Variants in VPS13D observed in about 807,000 individuals in gnomAD.
The protein encoded by VPS13D is vacuolar protein sorting 13 homolog D.
A neutral mutation model predicts 461.9 loss-of-function variants in VPS13D; 187 were observed. The ratio of observed to expected loss-of-function variants is 0.40; its 90% CI spans 0.36 to 0.46. The LOEUF (loss-of-function observed/expected upper bound fraction) is 0.46. Ranked by LOEUF, VPS13D falls within the 20% of genes least tolerant of loss-of-function variation. The pLI, the probability that VPS13D is intolerant of heterozygous loss-of-function variation, is 0.60. For synonymous variants in VPS13D, 1,951 were observed against 1,986.3 expected, an observed-to-expected ratio of 0.98 and a Z score of 0.47; for missense variants, 4,711 against 5,364.9, an observed-to-expected ratio of 0.88 and a Z score of 3.81.
intron 57 of VPS13D, among the ~76,000 whole-genome samples, chr1:12,379,928 C>T (rs1179284793): frequency 6.6e-6 from 1 of 152,036 alleles, no homozygotes; most frequent in Non-Finnish European, 1.5e-5. Flanking sequence ...GCCACCACGC[C>T]CGGCTAATTT....
Position 12,244,380 on chromosome 1 carries a change from C to T in VPS13D, c.310C>T (p.Leu104=). 6.2e-7 allele frequency: 1 copy of T among 1,614,116 alleles called. No individual in the cohort carries two copies. The highest frequency in any genetic ancestry group is 8.5e-7 in the Non-Finnish European group (1 of 1,180,024). Reference sequence around the variant, plus strand: ...GGATTTCAATGATGAAAAGGAGAAGCTGTTGGAAAGGGAACGTAAGAAAGC... The same window carrying T: ...GGATTTCAATGATGAAAAGGAGAAGTTGTTGGAAAGGGAACGTAAGAAAGC... ...IQDFNDEKEK[L]LERERKKALL... is the part of the protein sequence containing the mutation. The change falls in exon 4 of 70, where the codon CTG becomes TTG. Residue 104 remains leucine (L), a synonymous_variant. Coordinates refer to ENST00000620676, the MANE Select transcript of VPS13D (RefSeq NM_015378.4).
intron 6 of VPS13D, among the ~76,000 whole-genome samples, chr1:12,253,439 A>T (rs183631002): frequency 6.6e-6 from 1 of 152,246 alleles, no homozygotes; most frequent in Non-Finnish European, 1.5e-5. Flanking sequence ...ATATCTTTCG[A>T]CACTCATTTG....
intron 65 of VPS13D, among the ~76,000 whole-genome samples, chr1:12,438,338 A>T (rs940988681): frequency 6.6e-6 from 1 of 152,156 alleles, no homozygotes; most frequent in Non-Finnish European, 1.5e-5. Flanking sequence ...AAAGATGGCC[A>T]TCTAGGAAGC....
chr1:12,256,252 C>A, intron 7 of VPS13D, 81 bp from the exon 8 acceptor site: 1 of 1,502,652 alleles, frequency 6.7e-7, no homozygotes, highest in Non-Finnish European at 9.0e-7. Flanking sequence ...CACTGTTTGT[C>A]ATAAAACCCC....
intron 22 of VPS13D, 37 bp from the exon 23 acceptor site, chr1:12,290,961 G>C (rs748686100): frequency 6.4e-7 from 1 of 1,556,050 alleles, no homozygotes; most frequent in South Asian, 1.2e-5. Flanking sequence ...GACAAAAAAG[G>C]ATACATAGTA....
In VPS13D at chr1:12,502,021, G is replaced by T. The variant is rs1399921934; in HGVS notation, c.12794+4390G>T. On this transcript the variant is annotated intron_variant, in intron 68 of 69. Transcript: ENST00000620676. The surrounding 1 kb of genome is among the most constrained non-coding windows in gnomAD (Gnocchi z 4.3). ...GCACGTGTGGAAAGAAGGAGCAGAG[G>T]CTGGAAGGGTGGGTTCCCAGGCCTG... Among the ~76,000 whole-genome samples the T allele has an allele frequency of 2.0e-5, 3 of 152,226 alleles. No individual in the cohort carries two copies. The highest frequency in any genetic ancestry group is 2.9e-5 in the Non-Finnish European group (2 of 68,046).
Position 12,349,349 on chromosome 1 carries a change from G to A in VPS13D, c.9406G>A (p.Asp3136Asn). ...SSSKRECHSM[D>N]TEKSRFFRFC... The stretch of plus-strand genomic sequence containing the variant: ...CAGTAAACGAGAGTGCCACTCTATG[G>A]ACACAGAAAAAAGCCGATTTTTCAG... The change falls in exon 46 of 70, where the codon GAC (aspartate) becomes AAC (asparagine). Residue 3136 changes from aspartate to asparagine, a missense_variant. This residue lies in a region of VPS13D where 4,411 missense variants were observed against 4,937.8 expected (regional missense o/e 0.89). Transcript: ENST00000620676. 5 of 1,613,986 alleles carry A rather than the reference G, an allele frequency of 3.1e-6. No individual in the cohort carries two copies. Among genetic ancestry groups the A allele is most frequent in the Non-Finnish European group, 2.5e-6 (3 of 1,180,034 alleles).
At chr1:12,436,825 C>T (rs1458733938) in intron 65 of VPS13D, among the ~76,000 whole-genome samples, 1 of 152,126 alleles carries the variant, frequency 6.6e-6, no homozygotes, top group Non-Finnish European at 1.5e-5. Flanking sequence ...TGCACCGCCA[C>T]GCCTGGCTAA....
intron 42 of VPS13D, among the ~76,000 whole-genome samples, chr1:12,343,704 A>G (rs1643617631): frequency 6.6e-6 from 1 of 152,196 alleles, no homozygotes; most frequent in Non-Finnish European, 1.5e-5. Flanking sequence ...CTTTGCTGCC[A>G]TCTTGGAAAT....
chr1:12,246,022 AT>A (rs2101216734), intron 5 of VPS13D, among the ~76,000 whole-genome samples: 1 of 152,344 alleles, frequency 6.6e-6, no homozygotes, highest in South Asian at 2.1e-4. Context: ...ATGAAAACAG[AT>A]TTTACTCTGT....
chr1:12,405,174 G>C (rs1264394268), intron 63 of VPS13D, among the ~76,000 whole-genome samples: 2 of 152,244 alleles, frequency 1.3e-5, no homozygotes, highest in East Asian at 3.8e-4. Context: ...CCATCTGAAG[G>C]GGCCGCCACA....
At chr1:12,491,626 A>G (rs1305633771) in intron 67 of VPS13D, among the ~76,000 whole-genome samples, 2 of 152,098 alleles carry the variant, frequency 1.3e-5, no homozygotes, top group Non-Finnish European at 2.9e-5. Flanking sequence ...ATCAGATAGC[A>G]ATGGCCAGAT....
At chr1:12,449,433 C>T (rs1197401181) in intron 65 of VPS13D, among the ~76,000 whole-genome samples, 1 of 152,038 alleles carries the variant, frequency 6.6e-6, no homozygotes, top group Non-Finnish European at 1.5e-5. Context: ...AGCCTCCCCA[C>T]CCTTTCGTGA....
rs1271073865 is a variant in VPS13D at position 12,276,227 on chromosome 1, C to T, written c.2639C>T (p.Pro880Leu). ...GGAGCCGTGCTCTCAGGCAACTTAC[C>T]AGACTTAAAAATCCACATTAATGAA... The part of the protein sequence containing the change: ...YPGAVLSGNL[P>L]DLKIHINEDK... The change falls in exon 19 of 70, where the codon CCA (proline) becomes CTA (leucine). Residue 880 changes from proline to leucine, a missense_variant. Pro to Leu is a moderately conservative substitution (Grantham distance 98). This residue lies in a region of VPS13D where 4,411 missense variants were observed against 4,937.8 expected (regional missense o/e 0.89). Coordinates refer to ENST00000620676, the MANE Select transcript of VPS13D (RefSeq NM_015378.4). This position sits in a 1 kb window ranked among gnomAD's most constrained non-coding sequence, Gnocchi z 4.5. 6.2e-7 allele frequency: 1 copy of T among 1,613,976 alleles called. No homozygotes were observed. Among genetic ancestry groups the T allele is most frequent in the South Asian group, 1.1e-5 (1 of 91,058 alleles).
intron 33 of VPS13D, 145 bp from the exon 34 acceptor site, chr1:12,322,391 A>G (rs1300324410): frequency 2.5e-6 from 2 of 812,032 alleles, no homozygotes; most frequent in African/African-American, 3.5e-5. Context: ...CTTACTTTCA[A>G]GATCTTTGCA....
At chr1:12,454,428 T>C (rs985475904) in intron 65 of VPS13D, among the ~76,000 whole-genome samples, 1 of 152,156 alleles carries the variant, frequency 6.6e-6, no homozygotes, top group Admixed American at 6.5e-5. Context: ...AGACAGGCAG[T>C]GATATGGAAG....
chr1:12,426,738 C>T (rs957865762), intron 65 of VPS13D, among the ~76,000 whole-genome samples: 2 of 152,026 alleles, frequency 1.3e-5, no homozygotes, highest in African/African-American at 4.8e-5. Context: ...GTTCTGCAGC[C>T]GGGCACAGTG....
chr1:12,412,430 T>G (rs1037310946), intron 63 of VPS13D, among the ~76,000 whole-genome samples: 1 of 152,244 alleles, frequency 6.6e-6, no homozygotes. Context: ...CTACAGTAAT[T>G]AAGACAGTGT....
chr1:12,305,961 T>A (rs1232060795), intron 26 of VPS13D, among the ~76,000 whole-genome samples: 2 of 152,036 alleles, frequency 1.3e-5, no homozygotes, highest in Non-Finnish European at 2.9e-5. Flanking sequence ...GCAGGGTTTT[T>A]ATTTTTCTAT....
Sources: gnomAD v4.1 joint callset for allele counts (sites outside exome capture counted in the v4.1 genomes callset) on GRCh38, gnomAD v4.1.1 for gene constraint, gnomAD v4.1.1 regional missense constraint, Gnocchi (gnomAD v3.1) non-coding constraint, MANE v1.5 for transcripts, NCBI Gene and HGNC (gene_info 2026-07-23, HGNC 2026-07-21) for gene names.